ASB15: variants seen among roughly 807,000 people sequenced by gnomAD.
ASB15 encodes ankyrin repeat and SOCS box containing 15.
A neutral mutation model predicts 58.0 loss-of-function variants in ASB15; 54 were observed. The observed-to-expected ratio is 0.93, with a 90% CI of 0.75 to 1.17. ASB15 has a LOEUF of 1.17. Ranked by LOEUF, ASB15 falls within the 50% of genes most tolerant of loss-of-function variation. ASB15 has a pLI of 0.00. For missense variants in ASB15, 680 were observed against 707.4 expected (o/e 0.96, Z 0.44); for synonymous variants, 249 against 262.4 (o/e 0.95, Z 0.50).
chr7:123,618,897 C>G (rs1032577352), intron 7 of ASB15, among the ~76,000 whole-genome samples: 9 of 152,028 alleles, frequency 5.9e-5, no homozygotes, highest in African/African-American at 2.2e-4. Flanking sequence ...TCACATTGGC[C>G]AGGCGCGGTG....
intron 1 of ASB15, among the ~76,000 whole-genome samples, chr7:123,591,780 C>T (rs981001120): frequency 3.3e-5 from 5 of 152,088 alleles, no homozygotes; most frequent in African/African-American, 9.7e-5. Flanking sequence ...AGTGTCTCTG[C>T]CAGGCTTTGG....
chr7:123,569,046 C>T (rs1410056825), intron 1 of ASB15, among the ~76,000 whole-genome samples: 1 of 152,130 alleles, frequency 6.6e-6, no homozygotes, highest in Admixed American at 6.5e-5. Flanking sequence ...GAATAAACTA[C>T]ATAACAACTA....
intron 1 of ASB15, among the ~76,000 whole-genome samples, chr7:123,596,770 C>G (rs1003086067): frequency 6.6e-6 from 1 of 152,118 alleles, no homozygotes; most frequent in Non-Finnish European, 1.5e-5. Context: ...AATGTCATTA[C>G]GCATTAGCAA....
At chr7:123,567,025 C>T (rs1395441981) in exon 1 of ASB15, 2 of 152,144 alleles carry the variant, frequency 1.3e-5, no homozygotes, top group East Asian at 3.8e-4. Context: ...TGGGTTCAGG[C>T]TTCTGCTGTA....
intron 1 of ASB15, chr7:123,567,153 G>C (rs1237918161): frequency 6.7e-6 from 1 of 149,856 alleles, no homozygotes; most frequent in Non-Finnish European, 1.5e-5. Flanking sequence ...TCCTTTTGCA[G>C]AGGGGCAGTG....
chr7:123,598,925 G>A (rs1799787037), upstream of ASB15: 1 of 152,120 alleles, frequency 6.6e-6, no homozygotes, highest in South Asian at 2.1e-4. Context: ...CATGTTTTCA[G>A]TTGTTTGATT....
chr7:123,584,423 C>G (rs910423335), intron 1 of ASB15, among the ~76,000 whole-genome samples: 24 of 151,928 alleles, frequency 1.6e-4, no homozygotes, highest in Admixed American at 1.2e-3. Context: ...CTAAAGCTCC[C>G]CAGGTGATTC....
At chr7:123,612,929 T>G (rs1485805910) in intron 3 of ASB15, among the ~76,000 whole-genome samples, 1 of 152,018 alleles carries the variant, frequency 6.6e-6, no homozygotes, top group East Asian at 1.9e-4. Flanking sequence ...AACAATAAAT[T>G]AAAAAGCAAA....
intron 7 of ASB15, 46 bp from the exon 8 acceptor site, chr7:123,624,523 A>G (rs781462962): frequency 2.6e-6 from 4 of 1,553,082 alleles, no homozygotes; most frequent in Non-Finnish European, 3.5e-6. Context: ...CACCTAAGGT[A>G]TTTGTGTTAA....
At chr7:123,602,438 AAGGTTG>A (rs1425426257) in intron 1 of ASB15, among the ~76,000 whole-genome samples, 8 of 152,222 alleles carry the variant, frequency 5.3e-5, no homozygotes, top group African/African-American at 1.9e-4. Flanking sequence ...ACAAAATCTA[AAGGTTG>A]GAAAGTCCTT....
chr7:123,618,403 T>C (rs1387402029), intron 7 of ASB15, among the ~76,000 whole-genome samples: 2 of 152,222 alleles, frequency 1.3e-5, no homozygotes, highest in African/African-American at 4.8e-5. Context: ...AGTAAGAATG[T>C]GGTGTTGGCA....
chr7:123,617,843 T>A, intron 7 of ASB15, 106 bp downstream of exon 7: 1 of 1,142,052 alleles, frequency 8.8e-7, no homozygotes, highest in East Asian at 2.6e-5. Flanking sequence ...TTCCTTCCAT[T>A]CCCTGAGCTA....
At chr7:123,629,940 A>G in intron 10 of ASB15, 26 bp from the exon 11 acceptor site, 2 of 1,508,342 alleles carry the variant, frequency 1.3e-6, no homozygotes, top group Non-Finnish European at 1.8e-6. Context: ...AAATACTACT[A>G]AATTAAATTT....
chr7:123,620,827 G>A (rs1801275382), intron 7 of ASB15, among the ~76,000 whole-genome samples: 1 of 151,518 alleles, frequency 6.6e-6, no homozygotes, highest in South Asian at 2.1e-4. Flanking sequence ...CTCCCAAAAT[G>A]CTGGGATTAC....
At chr7:123,624,918 C>T in intron 8 of ASB15, 104 bp downstream of exon 8, 1 of 1,363,958 alleles carries the variant, frequency 7.3e-7, no homozygotes, top group Non-Finnish European at 9.9e-7. Flanking sequence ...AGGGGAGCTC[C>T]TCTTCCTCTG....
chr7:123,606,029 A>T (rs551570192), intron 2 of ASB15, among the ~76,000 whole-genome samples: 2 of 152,290 alleles, frequency 1.3e-5, no homozygotes, highest in South Asian at 2.1e-4. Flanking sequence ...AAGTCTGGAG[A>T]TATTATTTTT....
intron 8 of ASB15, chr7:123,625,086 C>G: frequency 2.6e-6 from 1 of 381,164 alleles, no homozygotes; most frequent in Non-Finnish European, 4.8e-6. Flanking sequence ...GATGGCCCAT[C>G]AGGGCCTCAT....
At chr7:123,594,834 C>T (rs1342942059) in intron 1 of ASB15, among the ~76,000 whole-genome samples, 3 of 152,152 alleles carry the variant, frequency 2.0e-5, no homozygotes, top group Non-Finnish European at 4.4e-5. Flanking sequence ...CAGGCAGGGA[C>T]GTTTAAGCCT....
At chr7:123,610,362 A>AAAGC (rs1442263031) in intron 3 of ASB15, among the ~76,000 whole-genome samples, 3 of 152,256 alleles carry the variant, frequency 2.0e-5, no homozygotes, top group Non-Finnish European at 4.4e-5. Context: ...TGCTTGAAAC[A>AAAGC]AAGCAAGCAC....
Sources: gnomAD v4.1 joint callset for allele counts (sites outside exome capture counted in the v4.1 genomes callset) on GRCh38, gnomAD v4.1.1 for gene constraint, MANE v1.5 for transcripts, NCBI Gene and HGNC (gene_info 2026-07-23, HGNC 2026-07-21) for gene names.